Variants in ADGRL3 observed in about 807,000 individuals in gnomAD.
ADGRL3 encodes adhesion G protein-coupled receptor L3.
In ADGRL3, 62 loss-of-function variants were observed where a neutral mutation model predicts 153.5. The ratio of observed to expected loss-of-function variants is 0.40; its 90% CI spans 0.33 to 0.50. The LOEUF (loss-of-function observed/expected upper bound fraction) is 0.50, where lower values mean the gene tolerates loss of function less well. Among genes scored for constraint, ADGRL3 ranks in the 20% least tolerant of loss-of-function variants. The probability of loss-of-function intolerance (pLI) is 0.47; values close to 1 mark genes in which losing one functional copy is unlikely to be tolerated. For synonymous variants in ADGRL3, 710 were observed against 672.5 expected (o/e 1.06, Z -0.86); for missense variants, 1,641 against 1,859.4 (o/e 0.88, Z 2.16).
At chr4:61,327,584 G>T (rs1484259075) in intron 1 of ADGRL3, among the ~76,000 whole-genome samples, 1 of 151,832 alleles carries the variant, frequency 6.6e-6, no homozygotes, top group Non-Finnish European at 1.5e-5. Context: ...TCAATTCAAA[G>T]GACTGATTTT....
intron 1 of ADGRL3, among the ~76,000 whole-genome samples, chr4:61,223,912 C>A (rs1452171632): frequency 6.6e-6 from 1 of 151,988 alleles, no homozygotes; most frequent in African/African-American, 2.4e-5. Context: ...AGGTAAGTGT[C>A]TTTATATTTG....
In ADGRL3 at chr4:61,541,880, T is replaced by A. The variant is rs9790360; in HGVS notation, c.259+24362T>A. Among the ~76,000 whole-genome samples the A allele has an allele frequency of 9.8e-3, 1,441 of 146,646 alleles. 79 individuals carry two copies. In the East Asian group the frequency reaches 0.17, roughly 17 times the overall value. ...ACACACACACACACACACACACTAG[T>A]ATTTCAGTAGCTGAGCTCGTCAAGT... On this transcript the variant is annotated intron_variant, in intron 4 of 26. Coordinates refer to ENST00000683033, the MANE Select transcript of ADGRL3 (RefSeq NM_001387552.1).
intron 1 of ADGRL3, among the ~76,000 whole-genome samples, chr4:61,360,950 CT>C (rs1246167512): frequency 1.6e-4 from 24 of 152,004 alleles, no homozygotes; most frequent in Non-Finnish European, 5.9e-5. Flanking sequence ...GTAGATACTA[CT>C]ATTATGTTTG....
At chr4:61,994,503 G>GT (rs550849894) in intron 19 of ADGRL3, among the ~76,000 whole-genome samples, 3,347 of 143,660 alleles carry the variant, frequency 0.023, 81 homozygotes, top group African/African-American at 0.056. Context: ...TTGGTTCAAG[G>GT]TTTTTTTTTT....
At chr4:61,756,227 A>C (rs149674277) in intron 8 of ADGRL3, among the ~76,000 whole-genome samples, 2 of 151,984 alleles carry the variant, frequency 1.3e-5, no homozygotes, top group African/African-American at 2.4e-5. Flanking sequence ...CCATTTTCAC[A>C]ATATTGATTC....
At chr4:61,681,938 CAGTAGACAT>C in intron 6 of ADGRL3, among the ~76,000 whole-genome samples, 1 of 151,818 alleles carries the variant, frequency 6.6e-6, no homozygotes, top group South Asian at 2.1e-4. Flanking sequence ...TTCATATATA[CAGTAGACAT>C]TCAATAAATA....
chr4:61,457,222 G>A (rs1031563815), intron 2 of ADGRL3, among the ~76,000 whole-genome samples: 3 of 151,732 alleles, frequency 2.0e-5, no homozygotes, highest in Non-Finnish European at 2.9e-5. Flanking sequence ...GAGTTATTTA[G>A]TAGTTTAAAA....
chr4:61,431,440 A>G (rs2097354623), intron 2 of ADGRL3, among the ~76,000 whole-genome samples: 1 of 152,214 alleles, frequency 6.6e-6, no homozygotes, highest in Non-Finnish European at 1.5e-5. Flanking sequence ...AAGATAGAGG[A>G]CAACTCTTCT....
intron 24 of ADGRL3, among the ~76,000 whole-genome samples, chr4:62,040,675 T>C (rs1727776649): frequency 6.6e-6 from 1 of 152,240 alleles, no homozygotes; most frequent in Non-Finnish European, 1.5e-5. Flanking sequence ...AAAAGACATA[T>C]AACTTCCCCT....
intron 9 of ADGRL3, among the ~76,000 whole-genome samples, chr4:61,840,576 T>C (rs549280446): frequency 6.6e-6 from 1 of 152,294 alleles, no homozygotes; most frequent in African/African-American, 2.4e-5. Flanking sequence ...ACTGTTGCTT[T>C]CCTCTTTTTC....
intron 1 of ADGRL3, among the ~76,000 whole-genome samples, chr4:61,295,674 G>T (rs1342783097): frequency 6.6e-6 from 1 of 151,950 alleles, no homozygotes; most frequent in Non-Finnish European, 1.5e-5. Flanking sequence ...GTAAGAGCGG[G>T]CTGGGCACAG....
intron 5 of ADGRL3, among the ~76,000 whole-genome samples, chr4:61,596,411 T>A (rs1363696803): frequency 3.3e-5 from 5 of 152,202 alleles, no homozygotes; most frequent in African/African-American, 1.2e-4. Flanking sequence ...GTTATAAAAA[T>A]GAAAGTGTAT....
intron 8 of ADGRL3, among the ~76,000 whole-genome samples, chr4:61,742,440 G>C (rs951256636): frequency 3.3e-5 from 5 of 151,702 alleles, no homozygotes; most frequent in Non-Finnish European, 5.9e-5. Context: ...CACCACGCCC[G>C]GCTAATTTTT....
chr4:61,248,294 A>C (rs1757875891), intron 1 of ADGRL3, among the ~76,000 whole-genome samples: 1 of 152,098 alleles, frequency 6.6e-6, no homozygotes, highest in South Asian at 2.1e-4. Flanking sequence ...CATATGACTA[A>C]GCATGCCCTA....
intron 3 of ADGRL3, among the ~76,000 whole-genome samples, chr4:61,512,515 G>A (rs2098469066): frequency 6.6e-6 from 1 of 151,944 alleles, no homozygotes; most frequent in South Asian, 2.1e-4. Context: ...AACCAAAGTA[G>A]CATATTGAGA....
At chr4:61,768,337 G>A (rs148735769) in intron 8 of ADGRL3, among the ~76,000 whole-genome samples, 4,403 of 151,990 alleles carry the variant, frequency 0.029, 219 homozygotes, top group African/African-American at 0.1. Flanking sequence ...TTGGCCTGTC[G>A]AGGAGGGGAG....
chr4:61,474,006 C>T (rs530721064), intron 2 of ADGRL3, among the ~76,000 whole-genome samples: 2 of 151,530 alleles, frequency 1.3e-5, no homozygotes, highest in Non-Finnish European at 2.9e-5. Context: ...TTTGAGGGAT[C>T]GTCAGGAAAA....
At chr4:62,050,165 A>C (rs1733344066) in intron 25 of ADGRL3, among the ~76,000 whole-genome samples, 2 of 152,114 alleles carry the variant, frequency 1.3e-5, no homozygotes, top group East Asian at 3.9e-4. Flanking sequence ...GCTAACAAAA[A>C]AATAAAATAA....
chr4:61,372,022 C>T (rs975741723), intron 1 of ADGRL3, among the ~76,000 whole-genome samples: 3 of 152,168 alleles, frequency 2.0e-5, no homozygotes, highest in Admixed American at 6.5e-5. Context: ...TTGATGGTAT[C>T]GGCTCCTGAG....
Sources: allele counts gnomAD v4.1 joint callset (sites outside exome capture counted in the v4.1 genomes callset), GRCh38; gene constraint gnomAD v4.1.1; transcripts MANE v1.5; gene names NCBI Gene and HGNC (gene_info 2026-07-23, HGNC 2026-07-21).